The following PPP4R1 variants were observed in gnomAD, a reference collection of about 807,000 sequenced individuals.
PPP4R1 encodes serine/threonine-protein phosphatase 4 regulatory subunit 1.
In PPP4R1, 42 loss-of-function variants were observed where a neutral mutation model predicts 111.2. The ratio of observed to expected loss-of-function variants is 0.38; its 90% CI spans 0.29 to 0.49. The LOEUF is 0.49. PPP4R1 is among the 20% of genes least tolerant of loss of function. The pLI is 0.97. For synonymous variants in PPP4R1, 409 were observed against 405.5 expected (o/e 1.01, Z -0.10); for missense variants, 1,012 against 1,161.6 (o/e 0.87, Z 1.87).
chr18:9,611,960 G>A (rs980209673), intron 2 of PPP4R1, among the ~76,000 whole-genome samples: 2 of 151,548 alleles, frequency 1.3e-5, no homozygotes, highest in East Asian at 1.9e-4. Flanking sequence ...GCGGTGAGCC[G>A]AGATCGCGCC....
At chr18:9,615,423 T>A (rs1213123590), upstream of PPP4R1, 1 of 152,244 alleles carries the variant, frequency 6.6e-6, no homozygotes, top group East Asian at 1.9e-4. Context: ...GAACCTAGCA[T>A]GGTTCTTGAT....
Position 9,574,232 on chromosome 18 carries a change from A to G in PPP4R1, c.1046+2832T>C, listed in dbSNP as rs181399795. Among the ~76,000 whole-genome samples the G allele has an allele frequency of 3.8e-4, 58 of 152,284 alleles. 1 individual carries two copies. Among genetic ancestry groups the G allele is most frequent in the African/African-American group, 1.3e-3 (55 of 41,574 alleles). ...GGACAGTCCAGAAACTACCTACTTA[A>G]GGAGGAATCTTAAGTGTCTTTTTGT... On this transcript the variant is annotated intron_variant, in intron 10 of 19. Transcript: ENST00000400556.
At chr18:9,567,909 C>T (rs546298266) in intron 11 of PPP4R1, among the ~76,000 whole-genome samples, 1 of 152,336 alleles carries the variant, frequency 6.6e-6, no homozygotes, top group East Asian at 1.9e-4. Context: ...AGCAATGAGA[C>T]TACAACTTGT....
intron 2 of PPP4R1, among the ~76,000 whole-genome samples, chr18:9,607,976 G>A (rs965815524): frequency 2.0e-5 from 3 of 151,864 alleles, no homozygotes; most frequent in African/African-American, 7.3e-5. Flanking sequence ...TAGAGACGGG[G>A]TTTCACCATG....
At chr18:9,603,650 G>T (rs960094402) in intron 2 of PPP4R1, among the ~76,000 whole-genome samples, 5 of 145,988 alleles carry the variant, frequency 3.4e-5, no homozygotes, top group Non-Finnish European at 7.4e-5. Context: ...CCATGCCCAG[G>T]TAATTTTCTT....
intron 9 of PPP4R1, among the ~76,000 whole-genome samples, chr18:9,577,592 A>G (rs2066958211): frequency 1.3e-5 from 2 of 152,130 alleles, no homozygotes; most frequent in African/African-American, 2.4e-5. Flanking sequence ...GCGTGAACCC[A>G]TGAGGCTAAG....
intron 10 of PPP4R1, among the ~76,000 whole-genome samples, chr18:9,575,912 T>C (rs1234833901): frequency 6.6e-6 from 1 of 152,224 alleles, no homozygotes; most frequent in Non-Finnish European, 1.5e-5. Flanking sequence ...TATAAACAGG[T>C]AATTTTTTAA....
At chr18:9,573,731 G>A (rs1221552964) in intron 10 of PPP4R1, among the ~76,000 whole-genome samples, 1 of 152,052 alleles carries the variant, frequency 6.6e-6, no homozygotes, top group Non-Finnish European at 1.5e-5. Flanking sequence ...CTAAAGTGAT[G>A]GAATTACAGG....
intron 8 of PPP4R1, among the ~76,000 whole-genome samples, chr18:9,583,957 T>G (rs1330947438): frequency 6.6e-6 from 1 of 152,174 alleles, no homozygotes; most frequent in Admixed American, 6.5e-5. Flanking sequence ...TAAAAAGTGC[T>G]GATAATTTGG....
Position 9,553,368 on chromosome 18 carries a change from C to T in PPP4R1, c.2245G>A (p.Val749Met). The T allele has an allele frequency of 1.9e-6, 3 of 1,603,006 alleles. No homozygotes were observed. Among genetic ancestry groups the T allele is most frequent in the Non-Finnish European group, 2.6e-6 (3 of 1,170,582 alleles). The change falls in exon 16 of 20, where the codon GTG becomes ATG. Residue 749 changes from valine (V) to methionine (M), a missense_variant. Val to Met is a conservative substitution (Grantham distance 21, BLOSUM62 1). Transcript: ENST00000400556. ...CGCCAATTTCTACTATTATCTGTCA[C>T]CAAAAACTCCTGAAGTTGATAAAGA... is the stretch of plus-strand genomic sequence containing the variant. ...EYLYQLQEFL[V>M]TDNSRNWRFR...
At chr18:9,597,845 A>T (rs143036496) in intron 2 of PPP4R1, among the ~76,000 whole-genome samples, 232 of 152,338 alleles carry the variant, frequency 1.5e-3, no homozygotes, top group African/African-American at 5.3e-3. Context: ...AATACAAACC[A>T]TGAGGCAAAA....
chr18:9,600,274 A>G (rs1258644685), intron 2 of PPP4R1, among the ~76,000 whole-genome samples: 1 of 151,712 alleles, frequency 6.6e-6, no homozygotes, highest in Non-Finnish European at 1.5e-5. Context: ...CTAGAAAGAT[A>G]ATGGAGAAAC....
chr18:9,557,256 T>A lies in PPP4R1; in HGVS notation c.2155A>T (p.Ile719Leu). ...TCATGCAAGTGTTTAAGAACACCTA[T>A]CCTGACTTCATCGAGGTCTTTTAAA... Reference protein sequence around the residue: ...GFLKDLDEVRIGVLKHLHDFL... With the variant: ...GFLKDLDEVRLGVLKHLHDFL... The change falls in exon 15 of 20, where the codon ATA becomes TTA. Residue 719 changes from isoleucine (I) to leucine (L), a missense_variant. Physicochemically the swap from Ile to Leu is conservative, Grantham distance 5. Coordinates refer to ENST00000400556, the MANE Select transcript of PPP4R1 (RefSeq NM_001042388.3). The A allele has an allele frequency of 6.2e-7, 1 of 1,610,378 alleles. No homozygotes were observed.
At chr18:9,551,170 G>C (rs995553936) in intron 16 of PPP4R1, 2 of 152,172 alleles carry the variant, frequency 1.3e-5, no homozygotes, top group Admixed American at 1.3e-4. Context: ...TTTCTGCTTA[G>C]AATACAGAAA....
intron 14 of PPP4R1, among the ~76,000 whole-genome samples, chr18:9,558,370 T>C (rs2145028974): frequency 6.6e-6 from 1 of 152,184 alleles, no homozygotes; most frequent in South Asian, 2.1e-4. Context: ...AACCCTACAG[T>C]TCTGTAGAAT....
intron 3 of PPP4R1, among the ~76,000 whole-genome samples, chr18:9,594,541 A>C (rs895164412): frequency 6.6e-6 from 1 of 152,176 alleles, no homozygotes; most frequent in African/African-American, 2.4e-5. Context: ...AGCTATACCC[A>C]AAAAATCTGA....
intron 4 of PPP4R1, among the ~76,000 whole-genome samples, chr18:9,591,485 A>C (rs2067211015): frequency 6.6e-6 from 1 of 152,206 alleles, no homozygotes; most frequent in Non-Finnish European, 1.5e-5. Flanking sequence ...ATAAAAGCAG[A>C]TGGTAAATTT....
chr18:9,614,816 T>G (rs2067665002), upstream of PPP4R1: 1 of 148,518 alleles, frequency 6.7e-6, no homozygotes. This position sits in a 1 kb window ranked among gnomAD's most constrained non-coding sequence, Gnocchi z 4.1. Context: ...CGAGCCGCCC[T>G]CACGCCGAGC....
At chr18:9,569,782 A>C (rs1435684976) in intron 11 of PPP4R1, among the ~76,000 whole-genome samples, 2 of 152,108 alleles carry the variant, frequency 1.3e-5, no homozygotes, top group Non-Finnish European at 2.9e-5. Context: ...AAGCTGCTGC[A>C]TGATCCTTTG....
Sources: gnomAD v4.1 joint callset for allele counts (sites outside exome capture counted in the v4.1 genomes callset) on GRCh38, gnomAD v4.1.1 for gene constraint, Gnocchi (gnomAD v3.1) non-coding constraint, MANE v1.5 for transcripts, NCBI Gene and HGNC (gene_info 2026-07-23, HGNC 2026-07-21) for gene names.